IKZF4: variants seen among roughly 807,000 people sequenced by gnomAD.
IKZF4 encodes the protein IKAROS family zinc finger 4, also known as zinc finger protein Eos.
IKZF4 carries 11 observed loss-of-function variants against 47.7 expected under a neutral mutation model. The observed-to-expected ratio is 0.23, with a 90% CI of 0.15 to 0.38. IKZF4 has a LOEUF of 0.38. Ranked by LOEUF, IKZF4 falls within the 10% of genes least tolerant of loss-of-function variation. The pLI, the probability that IKZF4 is intolerant of heterozygous loss-of-function variation, is 1.00. For synonymous variants in IKZF4, 298 were observed against 299.4 expected, an observed-to-expected ratio of 1.00 and a Z score of 0.05; for missense variants, 557 against 784.9, an observed-to-expected ratio of 0.71 and a Z score of 3.47.
chr12:56,014,201 C>T lies in IKZF4; in HGVS notation c.-214+2707C>T, dbSNP rs529506204. Among the ~76,000 whole-genome samples the T allele has an allele frequency of 2.0e-5, 3 of 151,962 alleles. No homozygotes were observed. The South Asian group carries it at 6.3e-4, about 32-fold the overall frequency. On this transcript the variant is annotated intron_variant, in intron 2 of 11. Transcript: ENST00000262032. The stretch of plus-strand genomic sequence containing the variant: ...AGAAAAGAAACAAACAAACAAAAAC[C>T]CCCAGCTGGAGGCAGCTAAGTACAG...
chr12:56,020,388 A>G (rs1892693106), upstream of IKZF4, among the ~76,000 whole-genome samples: 1 of 152,176 alleles, frequency 6.6e-6, no homozygotes, highest in South Asian at 2.1e-4. Context: ...TTCAAGGGAA[A>G]CAGAGTTGCT....
At position 56,026,862 on chromosome 12, in the gene IKZF4, A is replaced by C; in HGVS notation, c.368A>C (p.Asp123Ala). 1 of 1,613,282 alleles carries C rather than the reference A, an allele frequency of 6.2e-7. No individual in the cohort carries two copies. The highest frequency in any genetic ancestry group is 8.5e-7 in the Non-Finnish European group (1 of 1,179,650). The part of the protein sequence containing the change: ...LGPDERLLEK[D>A]DSVIVEDSLS... ...CCAGATGAGCGGCTCCTGGAAAAGG[A>C]CGACAGCGTGATTGTGGAAGATTCA... The change falls in exon 4 of 8, where the codon GAC becomes GCC. Residue 123 changes from aspartate to alanine, a missense_variant. This residue lies in a region of IKZF4 where 112 missense variants were observed against 168.2 expected (regional missense o/e 0.67). Transcript: ENST00000547167.
chr12:56,021,036 C>G (rs747798993), upstream of IKZF4: 3 of 1,086,528 alleles, frequency 2.8e-6, no homozygotes, highest in Non-Finnish European at 3.4e-6. Flanking sequence ...CTCTCTCTCT[C>G]TTGCACACAC....
chr12:56,020,789 C>T (rs1430627403), upstream of IKZF4: 2 of 242,156 alleles, frequency 8.3e-6, no homozygotes, highest in Non-Finnish European at 1.3e-5. Flanking sequence ...GCTGGGCCCT[C>T]TCACTGCTGG....
In IKZF4 at chr12:56,021,143, C is replaced by G; in HGVS notation, c.-351C>G. ...CTTTCCCTCCCTGTGCACACACCCACCACCCACCCCCTTCACTGTCTTGGA... is the reference window on the plus strand; with the variant it reads ...CTTTCCCTCCCTGTGCACACACCCAGCACCCACCCCCTTCACTGTCTTGGA... On this transcript the variant is annotated 5_prime_UTR_variant, in exon 1 of 8. Transcript: ENST00000547167. 1 of 1,394,808 alleles carries G rather than the reference C, an allele frequency of 7.2e-7. No individual in the cohort carries two copies. The highest frequency in any genetic ancestry group is 9.3e-7 in the Non-Finnish European group (1 of 1,075,284). The allele number at this position is 1,394,808 out of a possible 1,614,324, so 86.4% of individuals were successfully genotyped here.
chr12:56,032,678 G>A lies in IKZF4; in HGVS notation c.833G>A (p.Ser278Asn), dbSNP rs776003253. The change falls in exon 6 of 8, where the codon AGC becomes AAC. Residue 278 changes from serine to asparagine, a missense_variant. Physicochemically the swap from Ser to Asn is conservative, Grantham distance 46. Around this residue, in one of 6 missense-constraint regions of IKZF4, gnomAD observed 72 missense variants for 112.4 expected, o/e 0.64. Transcript: ENST00000547167. ...ERCHNYLQSL[S>N]TEAQALAGQP... ...TGCCATAACTACCTACAGAGTCTCA[G>A]CACTGAAGCCCAAGCTTTGGCTGGC... The A allele has an allele frequency of 6.2e-7, 1 of 1,614,034 alleles. No individual in the cohort carries two copies. Among genetic ancestry groups the A allele is most frequent in the Non-Finnish European group, 8.5e-7 (1 of 1,179,890 alleles).
chr12:56,016,721 C>T (rs1162841547), upstream of IKZF4, among the ~76,000 whole-genome samples: 3 of 152,110 alleles, frequency 2.0e-5, no homozygotes, highest in African/African-American at 4.8e-5. Context: ...CTCAGCCTCC[C>T]TAGTAGCTGG....
chr12:56,037,521 G>A lies in IKZF4; in HGVS notation c.*2190G>A, dbSNP rs1449579833. 6.6e-6 allele frequency: 1 copy of A among 152,208 alleles called. No individual in the cohort carries two copies. Among genetic ancestry groups the A allele is most frequent in the Non-Finnish European group, 1.5e-5 (1 of 68,070 alleles). The allele number at this position is 152,208 out of a possible 1,614,324, so 9.4% of individuals were successfully genotyped here. On this transcript the variant is annotated 3_prime_UTR_variant, in exon 8 of 8. Coordinates refer to ENST00000547167, the MANE Select transcript of IKZF4 (RefSeq NM_022465.4). ...CTCTTCTGTGTCTGCTGTGTATTTGGTGACACTTCATAAGGACTAGTCCCT... is the reference window on the plus strand; with the variant it reads ...CTCTTCTGTGTCTGCTGTGTATTTGATGACACTTCATAAGGACTAGTCCCT...
intron 2 of IKZF4, chr12:56,024,825 A>G (rs1387154173): frequency 4.3e-6 from 6 of 1,389,860 alleles, no homozygotes; most frequent in Non-Finnish European, 5.6e-6. Flanking sequence ...CCTCAGGCCT[A>G]GATAAAGGTA....
intron 5 of IKZF4, chr12:56,029,726 T>C (rs1169369693): frequency 2.0e-5 from 3 of 152,178 alleles, no homozygotes; most frequent in Non-Finnish European, 2.9e-5. Context: ...AATTCCAAGG[T>C]AGATGTGATT....
chr12:56,020,916 T>C, upstream of IKZF4: 1 of 993,448 alleles, frequency 1.0e-6, no homozygotes, highest in Non-Finnish European at 1.2e-6. Context: ...AAGCTGTCCG[T>C]GTCCTGGGCC....
At chr12:56,028,958 A>G (rs1894496900) in intron 5 of IKZF4, among the ~76,000 whole-genome samples, 1 of 151,960 alleles carries the variant, frequency 6.6e-6, no homozygotes, top group South Asian at 2.1e-4. Flanking sequence ...CCCCTGGGAA[A>G]TCCCTCCTCT....
At chr12:56,026,614 G>A (rs1295112885) in intron 3 of IKZF4, among the ~76,000 whole-genome samples, 167 bp from the exon 4 acceptor site, 1 of 151,526 alleles carries the variant, frequency 6.6e-6, no homozygotes, top group Non-Finnish European at 1.5e-5. Flanking sequence ...ACTTGAATCT[G>A]GGAGGTGGAG....
At chr12:56,014,311 A>G (rs187986738) in intron 2 of IKZF4, among the ~76,000 whole-genome samples, 1 of 152,338 alleles carries the variant, frequency 6.6e-6, no homozygotes, top group East Asian at 1.9e-4. Flanking sequence ...TTAGAAAGAA[A>G]GTCCAGCTCA....
chr12:56,033,311 G>C lies in IKZF4; in HGVS notation c.987G>C (p.Gln329His), dbSNP rs1291761941. Residue 329 changes from glutamine to histidine, a missense_variant, in exon 7 of 8, where the codon CAG becomes CAC. By Grantham distance (24) the Gln-to-His change is conservative (BLOSUM62 0). Transcript: ENST00000547167. ...CCAAACGCAAGCGTTCCACACCCCA[G>C]AAGTTTGTAGGTAAGAATCCAGTTG... ...SLTKRKRSTP[Q>H]KFVGEKQMRF... 6.2e-7 allele frequency: 1 copy of C among 1,614,048 alleles called. No individual in the cohort carries two copies. Among genetic ancestry groups the C allele is most frequent in the Non-Finnish European group, 8.5e-7 (1 of 1,179,894 alleles).
In IKZF4 at chr12:56,021,532, C is replaced by G. The variant is rs771561794; in HGVS notation, c.39C>G (p.Gly13=). Residue 13 remains glycine (G), a synonymous_variant, in exon 1 of 8, where the codon GGC becomes GGG. Coordinates refer to ENST00000547167, the MANE Select transcript of IKZF4 (RefSeq NM_022465.4). ...TPPALPRRFQ[G]GGRVRTPGSH... ...CCGCACTCCCTCGCCGTTTCCAAGG[C>G]GGCGGCCGCGTTCGCACCCCAGGGT... 3.1e-6 allele frequency: 5 copies of G among 1,609,260 alleles called. No individual in the cohort carries two copies. The East Asian group carries it at 9.0e-5, about 29-fold the overall frequency.
chr12:56,021,182 A>C lies in IKZF4; in HGVS notation c.-312A>C. On this transcript the variant is annotated 5_prime_UTR_variant, in exon 1 of 8. An upstream open reading frame in the 5' UTR loses its in-frame stop. Coordinates refer to ENST00000547167, the MANE Select transcript of IKZF4 (RefSeq NM_022465.4). ...CACTGTCTTGGAAAAGGGATGCTGTAGCCTAGCATCTCCCCCACTATATAC... is the reference window on the plus strand; with the variant it reads ...CACTGTCTTGGAAAAGGGATGCTGTCGCCTAGCATCTCCCCCACTATATAC... 7.7e-7 allele frequency: 1 copy of C among 1,295,628 alleles called. No individual in the cohort carries two copies. The highest frequency in any genetic ancestry group is 1.7e-5 in the South Asian group (1 of 58,876). 80.3% of individuals were successfully genotyped at this position (1,295,628 alleles called of 1,614,324 possible). A position where few individuals can be genotyped will look rare whatever the true frequency, so the allele number is the denominator to read the frequency against.
intron 1 of IKZF4, chr12:56,011,362 G>A (rs956829075): frequency 6.6e-6 from 1 of 152,194 alleles, no homozygotes; most frequent in African/African-American, 2.4e-5. Context: ...ACATGGGAGG[G>A]ATAGGATCGT....
Position 56,027,651 on chromosome 12 carries a change from C to T in IKZF4, c.548-129C>T, listed in dbSNP as rs181802587. Reference sequence around the variant, plus strand: ...CATAAATCAGGGTTTGTGTGCATTGCACTTCTGCCCGTCAGCAATGTGTTC... The same window carrying T: ...CATAAATCAGGGTTTGTGTGCATTGTACTTCTGCCCGTCAGCAATGTGTTC... On this transcript the variant is annotated intron_variant, in intron 4 of 7. Transcript: ENST00000547167. 368 of 877,990 alleles carry T rather than the reference C, an allele frequency of 4.2e-4. 2 individuals are homozygous for T. In the African/African-American group the frequency reaches 5.3e-3, roughly 13 times the overall value. 54.4% of individuals were successfully genotyped at this position (877,990 alleles called of 1,614,324 possible).
Sources: allele counts gnomAD v4.1 joint callset (sites outside exome capture counted in the v4.1 genomes callset), GRCh38; gene constraint gnomAD v4.1.1; regional missense constraint gnomAD v4.1.1; transcripts MANE v1.5; gene names NCBI Gene and HGNC (gene_info 2026-07-23, HGNC 2026-07-21).